Variants in COL4A3 observed in about 807,000 individuals in gnomAD.
COL4A3 encodes collagen alpha-3(IV) chain.
A neutral mutation model predicts 217.4 loss-of-function variants in COL4A3; 135 were observed. That is an observed-to-expected ratio of 0.62 (90% CI 0.54 to 0.72). The LOEUF is 0.72. COL4A3 is among the 30% of genes least tolerant of loss of function. COL4A3 has a pLI of 0.00. For missense variants in COL4A3, 1,868 were observed against 2,119.9 expected, an observed-to-expected ratio of 0.88 and a Z score of 2.33; for synonymous variants, 690 against 736.3, an observed-to-expected ratio of 0.94 and a Z score of 1.02.
chr2:227,174,721 G>T (rs912176129), intron 1 of COL4A3, among the ~76,000 whole-genome samples: 4 of 152,090 alleles, frequency 2.6e-5, no homozygotes, highest in African/African-American at 9.7e-5. Flanking sequence ...TGGTCAGGCT[G>T]GTCTTGAACT....
intron 3 of COL4A3, 149 bp from the exon 4 acceptor site, chr2:227,244,171 A>T (rs968517338): frequency 2.8e-6 from 2 of 704,634 alleles, no homozygotes; most frequent in African/African-American, 3.5e-5. Context: ...TTCCAATGAA[A>T]TAAGCAAGCA....
chr2:227,196,406 C>T (rs1312053940), intron 1 of COL4A3, among the ~76,000 whole-genome samples: 1 of 151,674 alleles, frequency 6.6e-6, no homozygotes, highest in Non-Finnish European at 1.5e-5. Flanking sequence ...CAAGCTCCGC[C>T]TCCCAGGTTC....
intron 1 of COL4A3, among the ~76,000 whole-genome samples, chr2:227,181,391 C>G (rs755493523): frequency 2.6e-5 from 4 of 152,182 alleles, no homozygotes; most frequent in Non-Finnish European, 5.9e-5. Context: ...AAATATCCTT[C>G]AGAGGATGAA....
At chr2:227,227,373 G>C (rs932530279) in intron 1 of COL4A3, among the ~76,000 whole-genome samples, 3 of 152,090 alleles carry the variant, frequency 2.0e-5, no homozygotes, top group East Asian at 3.9e-4. Flanking sequence ...GAGGTGGGTG[G>C]ATCACTTGAG....
chr2:227,167,611 A>G (rs993216508), intron 1 of COL4A3, among the ~76,000 whole-genome samples: 4 of 152,238 alleles, frequency 2.6e-5, no homozygotes, highest in African/African-American at 9.6e-5. Context: ...ATGAGAAGCA[A>G]ATGTCAAAAC....
chr2:227,248,544 CTAT>C (rs750137445), intron 9 of COL4A3, 24 bp downstream of exon 9: 1 of 1,546,610 alleles, frequency 6.5e-7, no homozygotes, highest in South Asian at 1.1e-5. Flanking sequence ...GAGAAGGTCC[CTAT>C]TATTCTCAGT....
intron 50 of COL4A3, 148 bp downstream of exon 50, chr2:227,309,466 A>G: frequency 4.7e-6 from 3 of 632,088 alleles, no homozygotes; most frequent in South Asian, 1.9e-5. Context: ...ATCTACAAAC[A>G]GACTTTTTTT....
intron 28 of COL4A3, 87 bp from the exon 29 acceptor site, chr2:227,279,706 T>C (rs2071823602): frequency 1.1e-6 from 1 of 900,972 alleles, no homozygotes; most frequent in South Asian, 1.6e-5. Flanking sequence ...AAAGCATCTC[T>C]AGCTGGTTGA....
chr2:227,293,852 T>G, intron 38 of COL4A3: 1 of 458,416 alleles, frequency 2.2e-6, no homozygotes, highest in South Asian at 1.6e-5. Context: ...TCCAAGTGTC[T>G]GAATCTTCTT....
intron 21 of COL4A3, chr2:227,265,278 T>C (rs1290251419): frequency 2.6e-5 from 4 of 152,264 alleles, no homozygotes; most frequent in Non-Finnish European, 4.4e-5. Flanking sequence ...TATTTAAAGA[T>C]GACCTTCCAG....
chr2:227,258,718 T>C (rs1425035129), intron 18 of COL4A3, among the ~76,000 whole-genome samples: 1 of 152,162 alleles, frequency 6.6e-6, no homozygotes, highest in Non-Finnish European at 1.5e-5. Flanking sequence ...TTCTATCACA[T>C]TGATAACACC....
At chr2:227,252,567 C>G (rs551814259) in intron 11 of COL4A3, among the ~76,000 whole-genome samples, 1 of 138,466 alleles carries the variant, frequency 7.2e-6, no homozygotes, top group Non-Finnish European at 1.5e-5. Flanking sequence ...TATTTATTAT[C>G]TCATTGATAC....
At chr2:227,220,077 A>G (rs971336981) in intron 1 of COL4A3, among the ~76,000 whole-genome samples, 1 of 149,096 alleles carries the variant, frequency 6.7e-6, no homozygotes, top group Non-Finnish European at 1.5e-5. Context: ...CCACATCTCA[A>G]TTTCCACAAT....
intron 1 of COL4A3, among the ~76,000 whole-genome samples, chr2:227,198,584 T>G (rs2066570154): frequency 6.6e-6 from 1 of 152,154 alleles, no homozygotes; most frequent in Non-Finnish European, 1.5e-5. Flanking sequence ...TTTAAAAATG[T>G]ATTCATCTAA....
intron 1 of COL4A3, chr2:227,228,544 G>A (rs2125849603): frequency 6.6e-6 from 1 of 152,616 alleles, no homozygotes; most frequent in South Asian, 2.1e-4. Context: ...AAACCAGGCT[G>A]GGCTGGGCTG....
chr2:227,252,547 G>A (rs1473750419), intron 11 of COL4A3, among the ~76,000 whole-genome samples: 1 of 150,908 alleles, frequency 6.6e-6, no homozygotes, highest in Admixed American at 6.6e-5. Flanking sequence ...TATTTTCCAA[G>A]ATACTTTCAT....
chr2:227,210,676 C>T (rs1302446688), intron 1 of COL4A3, among the ~76,000 whole-genome samples: 1 of 152,248 alleles, frequency 6.6e-6, no homozygotes, highest in Non-Finnish European at 1.5e-5. Flanking sequence ...CACACATATG[C>T]GTTAAGATAA....
chr2:227,226,120 T>C (rs963074867), intron 1 of COL4A3, among the ~76,000 whole-genome samples: 3 of 152,002 alleles, frequency 2.0e-5, no homozygotes, highest in African/African-American at 7.3e-5. Flanking sequence ...GGGGGGTGGG[T>C]GATTGTGTTG....
intron 1 of COL4A3, among the ~76,000 whole-genome samples, chr2:227,211,802 G>T (rs1005878696): frequency 6.6e-6 from 1 of 151,586 alleles, no homozygotes; most frequent in African/African-American, 2.4e-5. Context: ...GGATTACAGG[G>T]GTGCGCCACC....
Sources: gnomAD v4.1 joint callset for allele counts (sites outside exome capture counted in the v4.1 genomes callset) on GRCh38, gnomAD v4.1.1 for gene constraint, MANE v1.5 for transcripts, NCBI Gene and HGNC (gene_info 2026-07-23, HGNC 2026-07-21) for gene names.